WDR70: variants seen among roughly 807,000 people sequenced by gnomAD.
WDR70 encodes WD repeat-containing protein 70.
WDR70 carries 53 observed loss-of-function variants against 88.6 expected under a neutral mutation model. The ratio of observed to expected loss-of-function variants is 0.60; its 90% CI spans 0.48 to 0.75. The LOEUF (loss-of-function observed/expected upper bound fraction) is 0.75, where lower values mean the gene tolerates loss of function less well. Among genes scored for constraint, WDR70 ranks in the 30% least tolerant of loss-of-function variants. WDR70 has a pLI of 0.00. For missense variants in WDR70, 610 were observed against 823.2 expected (o/e 0.74, Z 3.17); for synonymous variants, 280 against 270.0 (o/e 1.04, Z -0.36).
chr5:37,469,920 T>G (rs966377116), intron 7 of WDR70, among the ~76,000 whole-genome samples: 1 of 152,206 alleles, frequency 6.6e-6, no homozygotes, highest in Non-Finnish European at 1.5e-5. Flanking sequence ...CTTGCCAATA[T>G]TTGGTAATAT....
At chr5:37,660,074 G>A (rs143509394) in intron 10 of WDR70, among the ~76,000 whole-genome samples, 4 of 151,974 alleles carry the variant, frequency 2.6e-5, no homozygotes, top group African/African-American at 9.7e-5. Context: ...CAAATATTTT[G>A]GGTTTCTAAT....
chr5:37,628,069 C>T (rs1169538734), intron 10 of WDR70, among the ~76,000 whole-genome samples: 1 of 152,140 alleles, frequency 6.6e-6, no homozygotes, highest in Non-Finnish European at 1.5e-5. Context: ...GGACTATAGG[C>T]ACATGACATC....
intron 8 of WDR70, among the ~76,000 whole-genome samples, chr5:37,497,506 T>TCTTCCCTCTTCCCTTCC (rs1345378076): frequency 1.2e-4 from 8 of 67,072 alleles, no homozygotes; most frequent in Admixed American, 3.8e-4. Context: ...TCTTCCCGTC[T>TCTTCCCTCTTCCCTTCC]CTTCCCTCTT....
At chr5:37,589,249 TACACACACACACACACAC>T (rs57446016) in intron 9 of WDR70, among the ~76,000 whole-genome samples, 22 of 140,166 alleles carry the variant, frequency 1.6e-4, no homozygotes, top group Non-Finnish European at 2.0e-4. Context: ...CCTACACACA[TACACACACACACACACAC>T]ACACACACAC....
intron 7 of WDR70, among the ~76,000 whole-genome samples, chr5:37,454,116 G>C (rs1738757993): frequency 6.6e-6 from 1 of 152,092 alleles, no homozygotes; most frequent in South Asian, 2.1e-4. Flanking sequence ...TTGAGAAATA[G>C]AGCAGAAGAC....
chr5:37,519,688 C>T (rs1370565113), intron 9 of WDR70, among the ~76,000 whole-genome samples: 19 of 149,910 alleles, frequency 1.3e-4, no homozygotes, highest in Admixed American at 8.0e-4. Context: ...AGACGATGGG[C>T]GGCCGGGCAG....
At chr5:37,392,787 G>T (rs1037354648) in intron 4 of WDR70, among the ~76,000 whole-genome samples, 1 of 151,790 alleles carries the variant, frequency 6.6e-6, no homozygotes, top group Non-Finnish European at 1.5e-5. Context: ...TGGGATTACA[G>T]GTGTGGGCCA....
intron 10 of WDR70, among the ~76,000 whole-genome samples, chr5:37,614,742 G>A (rs927005751): frequency 5.9e-5 from 9 of 152,220 alleles, no homozygotes; most frequent in South Asian, 2.1e-4. Flanking sequence ...TTTGACCCCT[G>A]TCATATAGTT....
chr5:37,402,862 A>C (rs150201234), intron 5 of WDR70, among the ~76,000 whole-genome samples: 26 of 150,130 alleles, frequency 1.7e-4, no homozygotes, highest in Non-Finnish European at 3.4e-4. Flanking sequence ...CCACTTTTGT[A>C]GCTTCTACAG....
At chr5:37,589,249 T>TACACACACACACAC (rs57446016) in intron 9 of WDR70, among the ~76,000 whole-genome samples, 74 of 140,144 alleles carry the variant, frequency 5.3e-4, no homozygotes, top group East Asian at 1.3e-3. Context: ...CCTACACACA[T>TACACACACACACAC]ACACACACAC....
At chr5:37,680,970 A>C (rs1477940011) in intron 10 of WDR70, among the ~76,000 whole-genome samples, 1 of 152,136 alleles carries the variant, frequency 6.6e-6, no homozygotes, top group African/African-American at 2.4e-5. Flanking sequence ...TCTACTTCTG[A>C]GAAGAATATC....
At chr5:37,635,557 G>C (rs72740972) in intron 10 of WDR70, among the ~76,000 whole-genome samples, 4,644 of 152,140 alleles carry the variant, frequency 0.031, 114 homozygotes, top group Middle Eastern at 0.13. Flanking sequence ...AAAATTCCCA[G>C]TGAATTTTTA....
intron 8 of WDR70, among the ~76,000 whole-genome samples, chr5:37,514,798 T>G (rs894826772): frequency 6.6e-6 from 1 of 152,004 alleles, no homozygotes; most frequent in Non-Finnish European, 1.5e-5. Context: ...AGCGGATCAC[T>G]TGATCCCAGG....
At chr5:37,651,833 A>T (rs1745418031) in intron 10 of WDR70, among the ~76,000 whole-genome samples, 1 of 152,034 alleles carries the variant, frequency 6.6e-6, no homozygotes, top group South Asian at 2.1e-4. Context: ...AATTTGTTTA[A>T]GTTCCTTGTA....
chr5:37,559,727 C>G (rs1042858703), intron 9 of WDR70, among the ~76,000 whole-genome samples: 7 of 151,954 alleles, frequency 4.6e-5, no homozygotes, highest in African/African-American at 1.5e-4. Flanking sequence ...CACCTGTAAT[C>G]CCAGCTACTT....
intron 17 of WDR70, among the ~76,000 whole-genome samples, chr5:37,752,044 C>T (rs1176531448): frequency 6.6e-6 from 1 of 152,124 alleles, no homozygotes; most frequent in African/African-American, 2.4e-5. Flanking sequence ...GTACTATAAA[C>T]ACATATTTAC....
Position 37,443,298 on chromosome 5 carries a change from T to C in WDR70, c.612T>C (p.Tyr204=), listed in dbSNP as rs776809017. The C allele has an allele frequency of 4.3e-6, 7 of 1,613,936 alleles. No individual in the cohort carries two copies. Among genetic ancestry groups the C allele is most frequent in the Middle Eastern group, 1.7e-4 (1 of 6,038 alleles). The change falls in exon 7 of 18, where the codon TAT becomes TAC. Residue 204 remains tyrosine (Y), a synonymous_variant. Transcript: ENST00000265107. ...GARLVTGGYD[Y]DVKFWDFAGM... ...GTTTGGTGACAGGAGGATATGACTA[T>C]GATGTTAAGTTTTGGGATTTTGCTG...
At chr5:37,593,900 GTGA>G (rs1254093874) in intron 9 of WDR70, among the ~76,000 whole-genome samples, 1 of 152,202 alleles carries the variant, frequency 6.6e-6, no homozygotes, top group East Asian at 1.9e-4. Flanking sequence ...CTGATGACCA[GTGA>G]TGATGAGCAT....
chr5:37,506,043 C>T, intron 8 of WDR70: 4 of 1,397,496 alleles, frequency 2.9e-6, no homozygotes, highest in Non-Finnish European at 4.1e-6. Flanking sequence ...GAGATTTGCA[C>T]AGTCAAGCAC....
Sources: gnomAD v4.1 joint callset for allele counts (sites outside exome capture counted in the v4.1 genomes callset) on GRCh38, gnomAD v4.1.1 for gene constraint, MANE v1.5 for transcripts, NCBI Gene and HGNC (gene_info 2026-07-23, HGNC 2026-07-21) for gene names.